COMMD10: variants seen among roughly 807,000 people sequenced by gnomAD.
COMMD10 encodes COMM domain-containing protein 10.
Under a neutral mutation model 28.9 loss-of-function variants are expected in COMMD10, and 33 were observed. The observed-to-expected ratio is 1.14, with a 90% CI of 0.87 to 1.53. The LOEUF is 1.53. Ranked by LOEUF, COMMD10 falls within the 40% of genes most tolerant of loss-of-function variation. The probability of loss-of-function intolerance (pLI) is 0.00; values close to 1 mark genes in which losing one functional copy is unlikely to be tolerated. For synonymous variants in COMMD10, 110 were observed against 81.7 expected, an observed-to-expected ratio of 1.35 and a Z score of -1.87; for missense variants, 310 against 233.4, an observed-to-expected ratio of 1.33 and a Z score of -2.14.
At position 116,087,493 on chromosome 5, in the gene COMMD10, T is replaced by A. The variant is rs1205805882; in HGVS notation, c.42-4T>A. Reference sequence around the variant, plus strand: ...TCAAAACTCTGTTTTATAATTTTGTTTAGCATGAAGAAAGCAGTGTCACTG... The same window carrying A: ...TCAAAACTCTGTTTTATAATTTTGTATAGCATGAAGAAAGCAGTGTCACTG... On this transcript the variant is annotated splice_region_variant and splice_polypyrimidine_tract_variant and intron_variant, in intron 1 of 6. Transcript: ENST00000274458. The A allele has an allele frequency of 1.9e-6, 3 of 1,584,108 alleles. No individual in the cohort carries two copies. The highest frequency in any genetic ancestry group is 1.7e-5 in the Admixed American group (1 of 59,990).
intron 5 of COMMD10, among the ~76,000 whole-genome samples, chr5:116,211,340 T>G (rs1245253557): frequency 3.9e-5 from 6 of 152,168 alleles, no homozygotes; most frequent in Non-Finnish European, 8.8e-5. Flanking sequence ...ATATAGCCTG[T>G]TACTCTAAGA....
chr5:116,153,714 T>A (rs1012416526), intron 5 of COMMD10, among the ~76,000 whole-genome samples: 29 of 152,076 alleles, frequency 1.9e-4, no homozygotes, highest in African/African-American at 6.8e-4. Flanking sequence ...AGTGATTGGT[T>A]TGCCACCTGT....
chr5:116,131,385 ATG>A (rs920229109), intron 4 of COMMD10, among the ~76,000 whole-genome samples: 5 of 149,768 alleles, frequency 3.3e-5, no homozygotes, highest in Admixed American at 6.6e-5. Flanking sequence ...TGGGAGGGGT[ATG>A]TGTGTGTGTG....
intron 5 of COMMD10, among the ~76,000 whole-genome samples, chr5:116,262,112 G>C (rs1750463595): frequency 6.6e-6 from 1 of 151,594 alleles, no homozygotes; most frequent in African/African-American, 2.4e-5. Flanking sequence ...TTCAGACACA[G>C]GCAGTCTGAC....
chr5:116,204,188 A>G (rs1449395946), intron 5 of COMMD10, among the ~76,000 whole-genome samples: 1 of 152,222 alleles, frequency 6.6e-6, no homozygotes, highest in Admixed American at 6.5e-5. Context: ...AAGAAGAGCT[A>G]TCTATCCTAA....
At chr5:116,154,073 A>G (rs6594954) in intron 5 of COMMD10, among the ~76,000 whole-genome samples, 122,717 of 151,918 alleles carry the variant, frequency 0.81, 49,715 homozygotes, top group Non-Finnish European at 0.83. Flanking sequence ...TGCCCTTGGA[A>G]CAGACAGGCA....
At chr5:116,233,217 GAA>G in intron 5 of COMMD10, among the ~76,000 whole-genome samples, 1 of 152,024 alleles carries the variant, frequency 6.6e-6, no homozygotes, top group Non-Finnish European at 1.5e-5. Context: ...GTGTGAGAGA[GAA>G]AGACTACATT....
At chr5:116,276,942 C>T (rs1750932917) in intron 5 of COMMD10, among the ~76,000 whole-genome samples, 3 of 151,746 alleles carry the variant, frequency 2.0e-5, no homozygotes, top group South Asian at 4.2e-4. Context: ...TGAAAATGTT[C>T]TAAAATTAAT....
chr5:116,216,234 A>G (rs536393715), intron 5 of COMMD10, among the ~76,000 whole-genome samples: 1 of 152,324 alleles, frequency 6.6e-6, no homozygotes, highest in East Asian at 1.9e-4. Context: ...TATTGGAAAA[A>G]GGACAGACGC....
Position 116,162,739 on chromosome 5 carries a change from G to C in COMMD10, c.510+28561G>C, listed in dbSNP as rs1351136521. ...GTATACTGTTTGGTCAATTTTGTGAGATTAAGTTGAGAAACCTAAGTGTTT... is the reference window on the plus strand; with the variant it reads ...GTATACTGTTTGGTCAATTTTGTGACATTAAGTTGAGAAACCTAAGTGTTT... On this transcript the variant is annotated intron_variant, in intron 5 of 6. Coordinates refer to ENST00000274458, the MANE Select transcript of COMMD10 (RefSeq NM_016144.4). Among the ~76,000 whole-genome samples, 5 of 152,152 alleles carry C rather than the reference G, an allele frequency of 3.3e-5. No individual in the cohort carries two copies. In the East Asian group the frequency reaches 9.6e-4, roughly 29 times the overall value.
intron 5 of COMMD10, among the ~76,000 whole-genome samples, chr5:116,209,108 C>T (rs928935682): frequency 6.6e-6 from 1 of 151,896 alleles, no homozygotes. Context: ...TAAAGCGATA[C>T]GTTTAGATCA....
chr5:116,167,076 C>G (rs1753145304), intron 5 of COMMD10, among the ~76,000 whole-genome samples: 1 of 151,852 alleles, frequency 6.6e-6, no homozygotes, highest in Non-Finnish European at 1.5e-5. Context: ...ATGTTCTAAT[C>G]CAATGCAGGG....
intron 5 of COMMD10, among the ~76,000 whole-genome samples, chr5:116,290,724 A>AT (rs1183153098): frequency 1.3e-5 from 2 of 150,046 alleles, no homozygotes; most frequent in Non-Finnish European, 2.9e-5. Flanking sequence ...TTTTCTCCTC[A>AT]TTAACTTTCA....
chr5:116,139,515 A>C (rs1050857348), intron 5 of COMMD10, among the ~76,000 whole-genome samples: 85 of 151,842 alleles, frequency 5.6e-4, no homozygotes, highest in African/African-American at 1.9e-3. Context: ...TTTTCATCTT[A>C]AAGGTGGTGT....
chr5:116,150,554 C>T (rs1342638772), intron 5 of COMMD10, among the ~76,000 whole-genome samples: 1 of 141,786 alleles, frequency 7.1e-6, no homozygotes, highest in Non-Finnish European at 1.5e-5. Context: ...TTGTAGTTCT[C>T]CTTGAAGAGG....
At chr5:116,196,260 A>G (rs186247147) in intron 5 of COMMD10, among the ~76,000 whole-genome samples, 5 of 152,242 alleles carry the variant, frequency 3.3e-5, no homozygotes, top group East Asian at 1.9e-4. Flanking sequence ...AAAACCGACC[A>G]TTGTGCGTTC....
intron 5 of COMMD10, among the ~76,000 whole-genome samples, chr5:116,253,305 T>C (rs1264973872): frequency 1.4e-5 from 2 of 140,210 alleles, no homozygotes; most frequent in Admixed American, 7.0e-5. Flanking sequence ...TCCTGCCTAA[T>C]TGCCCTGGCC....
intron 5 of COMMD10, among the ~76,000 whole-genome samples, chr5:116,164,210 A>C (rs1247221543): frequency 6.6e-6 from 1 of 152,116 alleles, no homozygotes; most frequent in African/African-American, 2.4e-5. Flanking sequence ...AATCCCAGCT[A>C]CCCAGGAGGC....
chr5:116,260,084 A>G (rs1750399997), intron 5 of COMMD10, among the ~76,000 whole-genome samples: 1 of 151,742 alleles, frequency 6.6e-6, no homozygotes, highest in Non-Finnish European at 1.5e-5. Context: ...TTTATATGGA[A>G]TTTGAGGGGA....
Sources: allele counts gnomAD v4.1 joint callset (sites outside exome capture counted in the v4.1 genomes callset), GRCh38; gene constraint gnomAD v4.1.1; transcripts MANE v1.5; gene names NCBI Gene and HGNC (gene_info 2026-07-23, HGNC 2026-07-21).